The following BRCA1 variants were observed in gnomAD, a reference collection of about 807,000 sequenced individuals.
BRCA1 encodes BRCA1 DNA repair associated.
A neutral mutation model predicts 173.7 loss-of-function variants in BRCA1; 140 were observed. The ratio of observed to expected loss-of-function variants is 0.81; its 90% CI spans 0.70 to 0.93. The LOEUF is 0.93. BRCA1 is among the 40% of genes least tolerant of loss of function. BRCA1 has a pLI of 0.00. For synonymous variants in BRCA1, 662 were observed against 756.0 expected, an observed-to-expected ratio of 0.88 and a Z score of 2.04; for missense variants, 1,983 against 2,172.5, an observed-to-expected ratio of 0.91 and a Z score of 1.73.
At chr17:43,076,395 C>T in intron 13 of BRCA1, 93 bp downstream of exon 13, 2 of 1,500,112 alleles carry the variant, frequency 1.3e-6, no homozygotes, top group Non-Finnish European at 1.8e-6. Flanking sequence ...ATGCAAAAAA[C>T]TGGAGAAAGT....
rs80357270 is a variant in BRCA1 at position 43,057,131 on chromosome 17, T to C, written c.5198A>G (p.Asp1733Gly). The change falls in exon 19 of 23, where the codon GAT becomes GGT. Residue 1733 changes from aspartate (D) to glycine (G), a missense_variant. Transcript: ENST00000357654. ...IKERKMLNEH[D>G]FEVRGDVVNG... ...GACCACATCTCCTCTGACTTCAAAA[T>C]CATGCTGAAAGAAACCAAACACAAC... The C allele has an allele frequency of 5.6e-5, 91 of 1,613,744 alleles. No individual in the cohort carries two copies. Among genetic ancestry groups the C allele is most frequent in the Non-Finnish European group, 7.2e-5 (85 of 1,179,866 alleles).
At chr17:43,135,206 T>C (rs2056007571) in intron 1 of BRCA1, among the ~76,000 whole-genome samples, 1 of 152,192 alleles carries the variant, frequency 6.6e-6, no homozygotes, top group Non-Finnish European at 1.5e-5. Flanking sequence ...CAGAAGGCCT[T>C]CTCTGGTGCA....
intron 22 of BRCA1, among the ~76,000 whole-genome samples, chr17:43,046,814 C>G: frequency 6.6e-6 from 1 of 151,530 alleles, no homozygotes; most frequent in Admixed American, 6.6e-5. Context: ...TGAAGAGGCC[C>G]TAGGAGTGAC....
rs1298286005 is a variant in BRCA1, at chr17:43,045,258, T to A, written c.*420A>T. 1 of 542,142 alleles carries A rather than the reference T, an allele frequency of 1.8e-6. No homozygotes were observed. The highest frequency in any genetic ancestry group is 3.5e-6 in the Non-Finnish European group (1 of 281,870). The allele number at this position is 542,142 out of a possible 1,614,324, so 33.6% of individuals were successfully genotyped here. ...CCATTGAAGGGTCTGACTCTCTGCC[T>A]TTGTGAACACAGGGTTTTAGAGAAG... On this transcript the variant is annotated 3_prime_UTR_variant, in exon 23 of 23. Coordinates refer to ENST00000357654, the MANE Select transcript of BRCA1 (RefSeq NM_007294.4).
At chr17:43,100,590 ATATAT>A (rs1216593245) in intron 6 of BRCA1, among the ~76,000 whole-genome samples, 2 of 19,534 alleles carry the variant, frequency 1.0e-4, no homozygotes. Context: ...TATAACATAT[ATATAT>A]TATATATATA....
chr17:43,076,939 T>C (rs1184080164), intron 12 of BRCA1, among the ~76,000 whole-genome samples: 2 of 151,992 alleles, frequency 1.3e-5, no homozygotes, highest in Non-Finnish European at 2.9e-5. Flanking sequence ...ATATAACAAA[T>C]TTTTATCTCT....
chr17:43,050,100 T>C (rs2051143504), intron 20 of BRCA1: 1 of 398,654 alleles, frequency 2.5e-6, no homozygotes, highest in Admixed American at 4.4e-5. Context: ...CATCTGCCTG[T>C]GACCAGATGC....
chr17:43,134,198 G>T (rs546198517), intron 1 of BRCA1, among the ~76,000 whole-genome samples: 32 of 152,162 alleles, frequency 2.1e-4, no homozygotes, highest in Non-Finnish European at 3.1e-4. Flanking sequence ...TCTAGAGCCT[G>T]CCTGGTGGGC....
chr17:43,054,538 C>G (rs1479070103), intron 19 of BRCA1, among the ~76,000 whole-genome samples: 1 of 152,096 alleles, frequency 6.6e-6, no homozygotes, highest in Non-Finnish European at 1.5e-5. Flanking sequence ...CTCCCAGACT[C>G]AAGCATTCTT....
intron 2 of BRCA1, among the ~76,000 whole-genome samples, chr17:43,116,223 C>G (rs2055289922): frequency 6.6e-6 from 1 of 151,848 alleles, no homozygotes; most frequent in Non-Finnish European, 1.5e-5. Context: ...GCCTTTTTAA[C>G]TTAATATGGA....
chr17:43,121,905 TA>T (rs1391086820), intron 2 of BRCA1, among the ~76,000 whole-genome samples: 2 of 152,270 alleles, frequency 1.3e-5, no homozygotes, highest in African/African-American at 2.4e-5. Context: ...AAATGAAACA[TA>T]AATGTATCCA....
At chr17:43,048,306 G>A (rs1473993209) in intron 21 of BRCA1, among the ~76,000 whole-genome samples, 4 of 152,124 alleles carry the variant, frequency 2.6e-5, no homozygotes, top group East Asian at 1.9e-4. Context: ...GGGTTCAAGC[G>A]ATTCTCCTGC....
intron 1 of BRCA1, among the ~76,000 whole-genome samples, chr17:43,134,270 T>C (rs1406949960): frequency 2.6e-5 from 4 of 152,222 alleles, no homozygotes; most frequent in African/African-American, 9.6e-5. Flanking sequence ...TCATGATCCA[T>C]GCTTTAAGAG....
chr17:43,145,246 C>G, intron 1 of BRCA1: 1 of 689,778 alleles, frequency 1.4e-6, no homozygotes, highest in Non-Finnish European at 2.8e-6. Flanking sequence ...ATAAAGAAGC[C>G]AAGTCTGATG....
At chr17:43,159,960 A>G (rs2056224838) in intron 1 of BRCA1, 1 of 152,296 alleles carries the variant, frequency 6.6e-6, no homozygotes, top group African/African-American at 2.4e-5. Flanking sequence ...GATTTGCAGT[A>G]TTCTTATTTA....
At chr17:43,115,844 C>A (rs80358117) in intron 2 of BRCA1, 65 bp from the exon 3 acceptor site, 1 of 1,500,852 alleles carries the variant, frequency 6.7e-7, no homozygotes. Flanking sequence ...AAAAATAAAG[C>A]TATTCTTAGT....
intron 15 of BRCA1, among the ~76,000 whole-genome samples, chr17:43,068,553 TAAA>T (rs755171693): frequency 7.2e-6 from 1 of 139,802 alleles, no homozygotes; most frequent in Non-Finnish European, 1.6e-5. Context: ...TTCATGTCTT[TAAA>T]AAAAAAAAAA....
rs544602997 is a variant in BRCA1, at chr17:43,048,246, G to A, written c.5407-543C>T. 1.7e-3 allele frequency among the ~76,000 whole-genome samples: 256 copies of A among 151,164 alleles called. 1 individual carries two copies. The highest frequency in any genetic ancestry group is 6.1e-3 in the African/African-American group (251 of 41,182). ...GAGACGGAGTCTCGCTCTGTCGCCC[G>A]GGCTGGAGTGCAGTGGCGCGATCTT... On this transcript the variant is annotated intron_variant, in intron 21 of 22. Transcript: ENST00000357654.
rs2053766204 is a variant in BRCA1, at chr17:43,093,124, T to C, written c.2407A>G (p.Ser803Gly). Residue 803 changes from serine (S) to glycine (G), a missense_variant, in exon 10 of 23, where the codon AGT (serine) becomes GGT (glycine). Physicochemically the swap from Ser to Gly is moderately conservative, Grantham distance 56. Coordinates refer to ENST00000357654, the MANE Select transcript of BRCA1 (RefSeq NM_007294.4). ...KAKTEPNKCVSQCAAFENPKG... is the reference protein window; with the variant it reads ...KAKTEPNKCVGQCAAFENPKG... The stretch of plus-strand genomic sequence containing the variant: ...GGGTTTTCAAATGCTGCACACTGAC[T>C]CACACATTTATTTGGTTCTGTTTTT... The C allele has an allele frequency of 6.2e-7, 1 of 1,613,676 alleles. No homozygotes were observed. The highest frequency in any genetic ancestry group is 2.2e-5 in the East Asian group (1 of 44,884).
Sources: allele counts gnomAD v4.1 joint callset (sites outside exome capture counted in the v4.1 genomes callset), GRCh38; gene constraint gnomAD v4.1.1; transcripts MANE v1.5; gene names NCBI Gene and HGNC (gene_info 2026-07-23, HGNC 2026-07-21).